SLC30A7: variants seen among roughly 807,000 people sequenced by gnomAD.
The protein encoded by SLC30A7 is solute carrier family 30 member 7.
Under a neutral mutation model 46.0 loss-of-function variants are expected in SLC30A7, and 35 were observed. The observed-to-expected ratio is 0.76, with a 90% CI of 0.58 to 1.01. The LOEUF (loss-of-function observed/expected upper bound fraction) is 1.01, where lower values mean the gene tolerates loss of function less well. SLC30A7 is among the 50% of genes least tolerant of loss of function. SLC30A7 has a pLI of 0.00. For missense variants in SLC30A7, 464 were observed against 451.1 expected, an observed-to-expected ratio of 1.03 and a Z score of -0.26; for synonymous variants, 147 against 157.8, an observed-to-expected ratio of 0.93 and a Z score of 0.51.
rs150825800 is a variant in SLC30A7, at chr1:100,920,400, C to T, written c.707-1306C>T. 3.1e-3 allele frequency among the ~76,000 whole-genome samples: 473 copies of T among 151,826 alleles called. 1 individual carries two copies. Among genetic ancestry groups the T allele is most frequent in the Non-Finnish European group, 4.6e-3 (310 of 67,816 alleles). On this transcript the variant is annotated intron_variant, in intron 7 of 10. Coordinates refer to ENST00000357650, the MANE Select transcript of SLC30A7 (RefSeq NM_133496.5). ...GCTATTTGAAATACGTGATAGGAACCGAATATTTATTCTATAAGTATGTCT... is the reference window on the plus strand; with the variant it reads ...GCTATTTGAAATACGTGATAGGAACTGAATATTTATTCTATAAGTATGTCT...
At chr1:100,910,057 A>G (rs1005311803) in intron 3 of SLC30A7, among the ~76,000 whole-genome samples, 1 of 152,140 alleles carries the variant, frequency 6.6e-6, no homozygotes, top group Non-Finnish European at 1.5e-5. Context: ...AGAAATACAT[A>G]CTATGTTGGA....
intron 8 of SLC30A7, chr1:100,941,975 T>C (rs138708814): frequency 7.9e-6 from 2 of 253,146 alleles, no homozygotes; most frequent in Non-Finnish European, 1.5e-5. Context: ...TCGGGCTCTT[T>C]AGAAAACTGA....
chr1:100,947,147 T>G (rs1186522262), intron 8 of SLC30A7, among the ~76,000 whole-genome samples: 2 of 152,244 alleles, frequency 1.3e-5, no homozygotes, highest in Non-Finnish European at 2.9e-5. Flanking sequence ...AATTGTGATA[T>G]TAGGGTATTG....
chr1:100,924,979 G>T (rs1653197379), intron 8 of SLC30A7, among the ~76,000 whole-genome samples: 1 of 152,212 alleles, frequency 6.6e-6, no homozygotes, highest in African/African-American at 2.4e-5. Context: ...CCTATAATAG[G>T]AGAGTGAGAC....
At chr1:100,982,415 G>A (rs1424221556), downstream of SLC30A7, among the ~76,000 whole-genome samples, 5 of 152,080 alleles carry the variant, frequency 3.3e-5, no homozygotes, top group Admixed American at 1.3e-4. Flanking sequence ...GTGGCTTCTC[G>A]TCACATTCAT....
intron 6 of SLC30A7, among the ~76,000 whole-genome samples, chr1:100,914,734 TAGAC>T (rs1223370552): frequency 1.3e-5 from 2 of 152,178 alleles, no homozygotes; most frequent in Non-Finnish European, 2.9e-5. Flanking sequence ...ATTTGCAACA[TAGAC>T]AGAATCCTAA....
intron 3 of SLC30A7, among the ~76,000 whole-genome samples, 155 bp from the exon 4 acceptor site, chr1:100,910,908 T>C (rs1652040444): frequency 6.6e-6 from 1 of 152,234 alleles, no homozygotes; most frequent in Admixed American, 6.5e-5. Context: ...TTCTACTATA[T>C]ATAAAATAAA....
intron 2 of SLC30A7, among the ~76,000 whole-genome samples, chr1:100,901,044 G>T (rs2101001342): frequency 6.6e-6 from 1 of 152,202 alleles, no homozygotes; most frequent in South Asian, 2.1e-4. Flanking sequence ...TTGTTTTAAA[G>T]CAGACACAAG....
At position 100,898,532 on chromosome 1, in the gene SLC30A7, T is replaced by C. The variant is rs1474219306; in HGVS notation, c.182+1861T>C. ...TAGCTCCAGTGCATGTTGTACTTAG[T>C]TCATTTAGCACGTATCCGTCATCTC... is the stretch of plus-strand genomic sequence containing the variant. On this transcript the variant is annotated intron_variant, in intron 2 of 10. Transcript: ENST00000357650. Among the ~76,000 whole-genome samples, 4 of 152,202 alleles carry C rather than the reference T, an allele frequency of 2.6e-5. No individual in the cohort carries two copies. In the East Asian group the frequency reaches 7.7e-4, roughly 29 times the overall value.
the SLC30A7 span, chr1:100,989,928 G>T: frequency 6.5e-6 from 1 of 154,746 alleles, no homozygotes; most frequent in Non-Finnish European, 1.4e-5. Context: ...ACCAAGCATT[G>T]TTGAGTCAAC....
intron 8 of SLC30A7, among the ~76,000 whole-genome samples, chr1:100,929,845 A>AT (rs890268718): frequency 5.9e-5 from 9 of 152,014 alleles, no homozygotes; most frequent in African/African-American, 1.7e-4. Context: ...TAAGAGTGTG[A>AT]TTTTTTATTT....
chr1:100,936,761 C>A (rs1557993456), intron 8 of SLC30A7, among the ~76,000 whole-genome samples: 1 of 152,128 alleles, frequency 6.6e-6, no homozygotes, highest in African/African-American at 2.4e-5. Context: ...TCACCCTGCA[C>A]CTCAGCCCCT....
downstream of SLC30A7, among the ~76,000 whole-genome samples, chr1:100,983,606 G>A (rs944746080): frequency 6.6e-6 from 1 of 152,204 alleles, no homozygotes; most frequent in Non-Finnish European, 1.5e-5. Flanking sequence ...GATTCTGTAT[G>A]AATTGTTAAA....
chr1:100,991,788 C>CAAAAAAAA, the SLC30A7 span, among the ~76,000 whole-genome samples: 2 of 101,066 alleles, frequency 2.0e-5, no homozygotes, highest in African/African-American at 8.0e-5. Flanking sequence ...GACCCCATCT[C>CAAAAAAAA]AAAAAAAAAA....
Position 100,978,723 on chromosome 1 carries a change from T to C in SLC30A7, c.*3866T>C, listed in dbSNP as rs1272839685. 6.6e-6 allele frequency: 1 copy of C among 152,234 alleles called. No homozygotes were observed. The highest frequency in any genetic ancestry group is 1.5e-5 in the Non-Finnish European group (1 of 68,044). 9.4% of individuals were successfully genotyped at this position (152,234 alleles called of 1,614,324 possible). On this transcript the variant is annotated 3_prime_UTR_variant, in exon 11 of 11. Transcript: ENST00000357650. ...AAGGACATCTGACCTCCTTTTTTGG[T>C]ACATTAAGGCACTTTATAAATGGAC...
chr1:100,900,860 A>T (rs1337414790), intron 2 of SLC30A7, among the ~76,000 whole-genome samples: 1 of 152,232 alleles, frequency 6.6e-6, no homozygotes, highest in African/African-American at 2.4e-5. Context: ...CAATATAAAT[A>T]TACCGTTAGC....
chr1:100,939,704 C>T (rs1654229062), intron 8 of SLC30A7, among the ~76,000 whole-genome samples: 1 of 150,950 alleles, frequency 6.6e-6, no homozygotes, highest in African/African-American at 2.4e-5. Flanking sequence ...AAAAAATTAG[C>T]TGGGCATGGT....
At chr1:100,924,676 A>T (rs1653173406) in intron 8 of SLC30A7, among the ~76,000 whole-genome samples, 1 of 150,204 alleles carries the variant, frequency 6.7e-6, no homozygotes. Context: ...CCAAAAAAAA[A>T]AAAGAAAAAA....
chr1:100,991,329 T>A, the SLC30A7 span, among the ~76,000 whole-genome samples: 8 of 152,178 alleles, frequency 5.3e-5, no homozygotes, highest in Non-Finnish European at 1.0e-4. Flanking sequence ...GGGAAAGGGG[T>A]CTTGATTGAA....
Sources: allele counts gnomAD v4.1 joint callset (sites outside exome capture counted in the v4.1 genomes callset), GRCh38; gene constraint gnomAD v4.1.1; transcripts MANE v1.5; gene names NCBI Gene and HGNC (gene_info 2026-07-23, HGNC 2026-07-21).